The following ODAD2 variants were observed in gnomAD, a reference collection of about 807,000 sequenced individuals.
ODAD2 encodes the protein outer dynein arm docking complex subunit 2.
In ODAD2, 89 loss-of-function variants were observed where a neutral mutation model predicts 106.8. The observed-to-expected ratio is 0.83, with a 90% confidence interval of 0.70 to 0.99. The LOEUF (loss-of-function observed/expected upper bound fraction) is 0.99, where lower values mean the gene tolerates loss of function less well. Ranked by LOEUF, ODAD2 falls within the 50% of genes least tolerant of loss-of-function variation. ODAD2 has a pLI of 0.00. For missense variants in ODAD2, 1,168 were observed against 1,238.5 expected, an observed-to-expected ratio of 0.94 and a Z score of 0.85; for synonymous variants, 404 against 436.2, an observed-to-expected ratio of 0.93 and a Z score of 0.92.
At chr10:27,974,003 T>G (rs924399198) in intron 7 of ODAD2, among the ~76,000 whole-genome samples, 17 of 152,234 alleles carry the variant, frequency 1.1e-4, no homozygotes, top group Non-Finnish European at 2.4e-4. Flanking sequence ...TATCTCATTA[T>G]GGTTTTGATT....
At chr10:27,927,090 C>T (rs1205782536) in intron 16 of ODAD2, among the ~76,000 whole-genome samples, 3 of 151,946 alleles carry the variant, frequency 2.0e-5, no homozygotes, top group Admixed American at 2.0e-4. Context: ...GTCTGGAGTA[C>T]TGAAAAAAGT....
At chr10:27,864,655 C>T (rs1431935689) in intron 17 of ODAD2, among the ~76,000 whole-genome samples, 1 of 150,610 alleles carries the variant, frequency 6.6e-6, no homozygotes, top group Non-Finnish European at 1.5e-5. Flanking sequence ...TGATAGTGGG[C>T]TCTTTCTGGT....
At chr10:27,983,450 C>A (rs1434070674) in intron 6 of ODAD2, among the ~76,000 whole-genome samples, 6 of 152,180 alleles carry the variant, frequency 3.9e-5, no homozygotes. Flanking sequence ...TTTAGATAAG[C>A]CCCTCTCTTT....
chr10:27,873,096 G>A (rs1841042485), intron 17 of ODAD2, among the ~76,000 whole-genome samples: 3 of 151,568 alleles, frequency 2.0e-5, no homozygotes, highest in African/African-American at 7.3e-5. Context: ...GGGTGTATGT[G>A]TCCAGGAATT....
chr10:27,830,945 G>C (rs1159686690), intron 19 of ODAD2, among the ~76,000 whole-genome samples: 1 of 152,220 alleles, frequency 6.6e-6, no homozygotes, highest in South Asian at 2.1e-4. Context: ...GGATAAGTTT[G>C]GCAGGTGGAC....
At position 27,883,479 on chromosome 10, in the gene ODAD2, A is replaced by G. The variant is rs377183334; in HGVS notation, c.2611-20857T>C. Among the ~76,000 whole-genome samples the G allele has an allele frequency of 3.9e-5, 6 of 152,290 alleles. No homozygotes were observed. The South Asian group carries it at 8.3e-4, about 21-fold the overall frequency. ...ATTATTTAAAATATTGCTTTTAACA[A>G]AAAATGTGATACATACAACAAAGGA... On this transcript the variant is annotated intron_variant, in intron 17 of 19. Coordinates refer to ENST00000305242, the MANE Select transcript of ODAD2 (RefSeq NM_018076.5).
chr10:27,919,144 T>C (rs1844599688), intron 16 of ODAD2, among the ~76,000 whole-genome samples: 1 of 151,972 alleles, frequency 6.6e-6, no homozygotes, highest in Non-Finnish European at 1.5e-5. Flanking sequence ...AATAGACCCA[T>C]TCATTTACAA....
chr10:27,913,140 A>G (rs1038644550), intron 16 of ODAD2, among the ~76,000 whole-genome samples: 2 of 152,022 alleles, frequency 1.3e-5, no homozygotes, highest in Non-Finnish European at 2.9e-5. Context: ...CCTTTTTTCA[A>G]CTTTTTAGTT....
At chr10:27,850,526 T>C (rs1027522618) in intron 19 of ODAD2, among the ~76,000 whole-genome samples, 2 of 151,160 alleles carry the variant, frequency 1.3e-5, no homozygotes, top group Non-Finnish European at 2.9e-5. Context: ...TACTACACTC[T>C]AGACTGGGTG....
intron 16 of ODAD2, among the ~76,000 whole-genome samples, chr10:27,916,278 G>A (rs879190264): frequency 6.6e-6 from 1 of 152,120 alleles, no homozygotes; most frequent in Non-Finnish European, 1.5e-5. Context: ...GAGCCTGAAT[G>A]GGGTGAAGAG....
chr10:27,863,268 C>T (rs1840194089), intron 17 of ODAD2, among the ~76,000 whole-genome samples: 1 of 152,160 alleles, frequency 6.6e-6, no homozygotes, highest in Admixed American at 6.6e-5. Context: ...CTCAGCACCA[C>T]ATCTGGGGGC....
intron 7 of ODAD2, among the ~76,000 whole-genome samples, chr10:27,977,719 A>G (rs1318402915): frequency 1.3e-5 from 2 of 152,242 alleles, no homozygotes; most frequent in Non-Finnish European, 2.9e-5. Flanking sequence ...GCCCAATGAA[A>G]AAAACAGACA....
At chr10:27,919,057 A>T (rs76992283) in intron 16 of ODAD2, among the ~76,000 whole-genome samples, 2,985 of 152,010 alleles carry the variant, frequency 0.02, 44 homozygotes, top group Non-Finnish European at 0.032. Context: ...ACCCAAATAA[A>T]TGGCAATATA....
chr10:27,952,226 T>C (rs919706706), intron 10 of ODAD2, among the ~76,000 whole-genome samples: 3 of 151,920 alleles, frequency 2.0e-5, no homozygotes, highest in Non-Finnish European at 4.4e-5. Flanking sequence ...CTATTTGACA[T>C]ATAAAAAAAT....
At chr10:27,905,067 C>T (rs533780805) in intron 17 of ODAD2, 21 of 195,762 alleles carry the variant, frequency 1.1e-4, no homozygotes, top group Non-Finnish European at 1.5e-4. Flanking sequence ...GAGCGCTGAG[C>T]CCAGCTGCAG....
intron 19 of ODAD2, among the ~76,000 whole-genome samples, chr10:27,833,335 G>A (rs937931172): frequency 2.0e-5 from 3 of 151,356 alleles, no homozygotes; most frequent in African/African-American, 4.9e-5. Flanking sequence ...ACTTCGCAAT[G>A]ATTGCCTGTA....
chr10:27,947,136 C>T (rs1352782261), intron 10 of ODAD2, among the ~76,000 whole-genome samples: 1 of 152,132 alleles, frequency 6.6e-6, no homozygotes, highest in Non-Finnish European at 1.5e-5. Context: ...TTACCGCCAC[C>T]AATACCACCA....
At chr10:27,863,705 G>T (rs1237411477) in intron 17 of ODAD2, among the ~76,000 whole-genome samples, 4 of 152,150 alleles carry the variant, frequency 2.6e-5, no homozygotes, top group African/African-American at 9.7e-5. Flanking sequence ...CTAATATAAA[G>T]GTTCAAGGGC....
At chr10:27,921,271 G>C (rs1210064318) in intron 16 of ODAD2, among the ~76,000 whole-genome samples, 1 of 148,862 alleles carries the variant, frequency 6.7e-6, no homozygotes, top group Non-Finnish European at 1.5e-5. Context: ...CTTTAGCCTG[G>C]ATGACAGAGT....
Sources: gnomAD v4.1 joint callset for allele counts (sites outside exome capture counted in the v4.1 genomes callset) on GRCh38, gnomAD v4.1.1 for gene constraint, MANE v1.5 for transcripts, NCBI Gene and HGNC (gene_info 2026-07-23, HGNC 2026-07-21) for gene names.